The following RGS7 variants were observed in gnomAD, a reference collection of about 807,000 sequenced individuals.
The protein encoded by RGS7 is regulator of G-protein signaling 7.
RGS7 carries 27 observed loss-of-function variants against 81.1 expected under a neutral mutation model. The ratio of observed to expected loss-of-function variants is 0.33; its 90% CI spans 0.25 to 0.46. The LOEUF (loss-of-function observed/expected upper bound fraction) is 0.46, where lower values mean the gene tolerates loss of function less well. RGS7 is among the 20% of genes least tolerant of loss of function. The pLI is 1.00. For missense variants in RGS7, 396 were observed against 607.4 expected (o/e 0.65, Z 3.66); for synonymous variants, 208 against 207.7 (o/e 1.00, Z -0.01).
intron 2 of RGS7, among the ~76,000 whole-genome samples, chr1:241,260,049 G>A (rs930557226): frequency 1.3e-5 from 2 of 152,090 alleles, no homozygotes; most frequent in Non-Finnish European, 2.9e-5. Flanking sequence ...ACACCACACT[G>A]TCTGCCATCC....
chr1:241,021,209 T>C (rs180894145), intron 3 of RGS7, among the ~76,000 whole-genome samples: 3 of 152,264 alleles, frequency 2.0e-5, no homozygotes, highest in Admixed American at 6.5e-5. Flanking sequence ...ACAGCAGCTG[T>C]CTGTGAGTCC....
intron 3 of RGS7, among the ~76,000 whole-genome samples, chr1:240,992,548 G>A (rs947500935): frequency 2.0e-5 from 3 of 151,868 alleles, no homozygotes; most frequent in Non-Finnish European, 2.9e-5. Context: ...TACAGCTAAG[G>A]CCAAGTGCTT....
intron 6 of RGS7, among the ~76,000 whole-genome samples, chr1:240,905,270 A>T (rs1670640726): frequency 6.6e-6 from 1 of 152,178 alleles, no homozygotes; most frequent in Non-Finnish European, 1.5e-5. Context: ...TGATTTTCTT[A>T]CCCGTCTGCC....
intron 2 of RGS7, among the ~76,000 whole-genome samples, chr1:241,336,089 G>A (rs1202195641): frequency 2.0e-5 from 3 of 151,954 alleles, no homozygotes; most frequent in African/African-American, 4.8e-5. Flanking sequence ...CTAGTAGCAA[G>A]ATTCTTATCC....
At chr1:241,246,371 A>G (rs1469099020) in intron 2 of RGS7, among the ~76,000 whole-genome samples, 6 of 152,282 alleles carry the variant, frequency 3.9e-5, no homozygotes, top group African/African-American at 1.4e-4. Flanking sequence ...GTGAACCGTG[A>G]TAGAGCATGG....
At chr1:241,350,524 T>C (rs1339241466) in intron 2 of RGS7, among the ~76,000 whole-genome samples, 2 of 152,140 alleles carry the variant, frequency 1.3e-5, no homozygotes, top group Non-Finnish European at 2.9e-5. Context: ...CCTTTTCTAG[T>C]GCGTCTTTGT....
In RGS7 at chr1:240,922,017, G is replaced by A. The variant is rs114797487; in HGVS notation, c.385+8700C>T. 6.0e-3 allele frequency among the ~76,000 whole-genome samples: 911 copies of A among 151,948 alleles called. 12 individuals carry two copies. Among genetic ancestry groups the A allele is most frequent in the African/African-American group, 0.021 (860 of 41,470 alleles). On this transcript the variant is annotated intron_variant, in intron 6 of 18. Coordinates refer to ENST00000440928, the MANE Select transcript of RGS7 (RefSeq NM_001364886.1). ...AACTTACTATAAACCTATAGTAATC[G>A]AGGCAGTGTGGTATTGGCAAAAGAA...
At chr1:241,126,711 T>C (rs2066689098) in intron 2 of RGS7, among the ~76,000 whole-genome samples, 1 of 152,174 alleles carries the variant, frequency 6.6e-6, no homozygotes, top group Admixed American at 6.5e-5. Flanking sequence ...CTAGAGAGGT[T>C]AGGAAAGTGC....
intron 2 of RGS7, among the ~76,000 whole-genome samples, chr1:241,290,422 T>C (rs751641316): frequency 3.3e-5 from 5 of 152,268 alleles, no homozygotes; most frequent in Non-Finnish European, 7.3e-5. Context: ...AAATTTAGCA[T>C]GGTTATATGT....
At chr1:241,240,016 T>C (rs961779845) in intron 2 of RGS7, among the ~76,000 whole-genome samples, 2 of 152,110 alleles carry the variant, frequency 1.3e-5, no homozygotes, top group Admixed American at 6.5e-5. Flanking sequence ...AGGAGTCAGA[T>C]AGACATTATA....
rs58438316 is a variant in RGS7 at position 241,232,211 on chromosome 1, T to TC, written c.78+123487_78+123488insG. The stretch of plus-strand genomic sequence containing the variant: ...TGTCTATTCTCTCTCTCTCTCTCTC[T>TC]TTCTCTCTCTCTTTTGAGATGCCAG... On this transcript the variant is annotated intron_variant, in intron 2 of 18. Transcript: ENST00000440928. Among the ~76,000 whole-genome samples, 447 of 150,250 alleles carry TC rather than the reference T, an allele frequency of 3.0e-3. 2 individuals are homozygous for TC. The highest frequency in any genetic ancestry group is 4.5e-3 in the Non-Finnish European group (306 of 67,536).
rs58250726 is a variant in RGS7, at chr1:240,827,084, A to C, written c.684+14T>G. 2,843 of 1,604,456 alleles carry C rather than the reference A, an allele frequency of 1.8e-3. 31 individuals carry two copies. In the African/African-American group the frequency reaches 0.027, roughly 15 times the overall value. On this transcript the variant is annotated intron_variant, in intron 10 of 18. Transcript: ENST00000440928. ...ATCCATCACCAAGATCAGCACAACAAATGACAGTTTTACCTTCCGTGTTTT... is the reference window on the plus strand; with the variant it reads ...ATCCATCACCAAGATCAGCACAACACATGACAGTTTTACCTTCCGTGTTTT...
intron 9 of RGS7, among the ~76,000 whole-genome samples, chr1:240,843,852 T>C (rs932572463): frequency 5.3e-5 from 8 of 151,886 alleles, no homozygotes; most frequent in African/African-American, 1.9e-4. Context: ...CTTTCTTTCT[T>C]TTTTAAAAAT....
chr1:240,890,213 C>G (rs139126375), intron 6 of RGS7, among the ~76,000 whole-genome samples: 10 of 152,088 alleles, frequency 6.6e-5, no homozygotes, highest in Admixed American at 4.6e-4. Context: ...AGGGCAGTGG[C>G]GCAATCTCGG....
chr1:241,345,647 C>T (rs1414137467), intron 2 of RGS7, among the ~76,000 whole-genome samples: 1 of 152,152 alleles, frequency 6.6e-6, no homozygotes, highest in Non-Finnish European at 1.5e-5. Context: ...GCAATATAAA[C>T]TGCAAGGCCT....
chr1:241,137,995 A>AC (rs1435511409), intron 2 of RGS7, among the ~76,000 whole-genome samples: 4 of 151,984 alleles, frequency 2.6e-5, no homozygotes, highest in African/African-American at 9.6e-5. Context: ...ACATGGTGAA[A>AC]CCCCATCTCT....
chr1:240,926,514 T>G (rs1245016972), intron 6 of RGS7, among the ~76,000 whole-genome samples: 2 of 152,204 alleles, frequency 1.3e-5, no homozygotes, highest in Admixed American at 6.5e-5. Context: ...TGTTTTGTGA[T>G]GTGTATAAAA....
intron 7 of RGS7, among the ~76,000 whole-genome samples, chr1:240,869,801 G>A (rs1036875459): frequency 2.0e-5 from 3 of 152,158 alleles, no homozygotes; most frequent in Non-Finnish European, 2.9e-5. Flanking sequence ...TTATCTGGGC[G>A]TGGTGGTGCA....
At chr1:241,320,729 A>G (rs1025901814) in intron 2 of RGS7, among the ~76,000 whole-genome samples, 3 of 152,236 alleles carry the variant, frequency 2.0e-5, no homozygotes, top group East Asian at 3.9e-4. Flanking sequence ...ACAAACTGAG[A>G]CTAACAGGAA....
Sources: allele counts gnomAD v4.1 joint callset (sites outside exome capture counted in the v4.1 genomes callset), GRCh38; gene constraint gnomAD v4.1.1; transcripts MANE v1.5; gene names NCBI Gene and HGNC (gene_info 2026-07-23, HGNC 2026-07-21).